The following CENPC variants were observed in gnomAD, a reference collection of about 807,000 sequenced individuals.
CENPC encodes CENP-C 1.
In CENPC, 63 loss-of-function variants were observed where a neutral mutation model predicts 112.1. The observed-to-expected ratio is 0.56, with a 90% CI of 0.46 to 0.69. The LOEUF (loss-of-function observed/expected upper bound fraction) is 0.69, where lower values mean the gene tolerates loss of function less well. Among genes scored for constraint, CENPC ranks in the 30% least tolerant of loss-of-function variants. The pLI, the probability that CENPC is intolerant of heterozygous loss-of-function variation, is 0.00. For missense variants in CENPC, 1,000 were observed against 1,103.8 expected, an observed-to-expected ratio of 0.91 and a Z score of 1.33; for synonymous variants, 333 against 367.6, an observed-to-expected ratio of 0.91 and a Z score of 1.08.
At position 67,517,987 on chromosome 4, in the gene CENPC, CACTG is replaced by C. The variant is rs1188610568; in HGVS notation, c.830+165_830+168del. Among the ~76,000 whole-genome samples, 3 of 152,114 alleles carry C rather than the reference CACTG, an allele frequency of 2.0e-5. No homozygotes were observed. In the East Asian group the frequency reaches 5.8e-4, roughly 29 times the overall value. ...TTAAAAAATGGCTTTGGGAGTGACT[CACTG>C]ACTGGTAAAAAACCATCTCTCCTTA... On this transcript the variant is annotated intron_variant, in intron 7 of 18. Coordinates refer to ENST00000273853, the MANE Select transcript of CENPC (RefSeq NM_001812.4).
Position 67,492,929 on chromosome 4 carries a change from T to A in CENPC, c.2359A>T (p.Ile787Phe). 6.4e-7 allele frequency: 1 copy of A among 1,563,602 alleles called. No individual in the cohort carries two copies. The highest frequency in any genetic ancestry group is 8.7e-7 in the Non-Finnish European group (1 of 1,151,876). Residue 787 changes from isoleucine (I) to phenylalanine (F), a missense_variant, in exon 15 of 19, where the codon ATT (isoleucine) becomes TTT (phenylalanine). Transcript: ENST00000273853. ...ISSKRKAKEN[I>F]GKVNKKSNKK... ...TTAGATTTTTTGTTGACTTTTCCAA[T>A]ATTTTCTTTTGCCTTCCTTTTAGAC...
At chr4:67,530,582 A>G (rs536812076) in intron 5 of CENPC, among the ~76,000 whole-genome samples, 1 of 152,332 alleles carries the variant, frequency 6.6e-6, no homozygotes. Context: ...AAGAAAGAAA[A>G]CTTTAAAAAG....
intron 5 of CENPC, among the ~76,000 whole-genome samples, chr4:67,523,269 C>CT (rs1560438715): frequency 6.6e-6 from 1 of 151,236 alleles, no homozygotes; most frequent in Admixed American, 6.6e-5. Flanking sequence ...GCCGAGATCA[C>CT]GCCACTGCAT....
intron 12 of CENPC, among the ~76,000 whole-genome samples, chr4:67,496,988 C>T (rs569737729): frequency 6.0e-5 from 9 of 149,900 alleles, no homozygotes; most frequent in South Asian, 2.1e-4. Flanking sequence ...CACTGGGCCT[C>T]GGAGGCAGTG....
intron 7 of CENPC, among the ~76,000 whole-genome samples, chr4:67,517,150 T>G (rs1270293128): frequency 6.6e-6 from 1 of 151,836 alleles, no homozygotes; most frequent in East Asian, 1.9e-4. Context: ...TCATTTAACA[T>G]GTTTTTATAA....
chr4:67,525,302 G>C (rs355496), intron 5 of CENPC, among the ~76,000 whole-genome samples: 95,817 of 151,990 alleles, frequency 0.63, 30,454 homozygotes, highest in East Asian at 0.81. Flanking sequence ...AAAAGCAATT[G>C]CAACAAAAGC....
intron 5 of CENPC, among the ~76,000 whole-genome samples, chr4:67,522,143 T>G (rs536894603): frequency 6.6e-6 from 1 of 152,328 alleles, no homozygotes; most frequent in Non-Finnish European, 1.5e-5. Flanking sequence ...GGAAGTGACG[T>G]GTGTATATAA....
chr4:67,532,791 A>G (rs1170001722), intron 4 of CENPC, among the ~76,000 whole-genome samples: 1 of 152,196 alleles, frequency 6.6e-6, no homozygotes, highest in Non-Finnish European at 1.5e-5. Flanking sequence ...AGATACACCT[A>G]ATGTAAATGA....
intron 17 of CENPC, among the ~76,000 whole-genome samples, chr4:67,475,980 T>C (rs1724794571): frequency 6.6e-6 from 1 of 152,214 alleles, no homozygotes; most frequent in African/African-American, 2.4e-5. Flanking sequence ...ATAGTGGTCC[T>C]ATAAGGTTAC....
chr4:67,519,560 C>A, intron 5 of CENPC, 58 bp from the exon 6 acceptor site: 1 of 1,173,566 alleles, frequency 8.5e-7, no homozygotes, highest in Non-Finnish European at 1.1e-6. Flanking sequence ...GAGAATCAAG[C>A]AGGCTTTTTA....
intron 17 of CENPC, among the ~76,000 whole-genome samples, chr4:67,475,416 C>T (rs1724776620): frequency 1.3e-5 from 2 of 152,228 alleles, no homozygotes; most frequent in Non-Finnish European, 2.9e-5. Context: ...CCACTTAAAA[C>T]TGAGTTCTGC....
At chr4:67,521,361 AG>A (rs1726224446) in intron 5 of CENPC, among the ~76,000 whole-genome samples, 1 of 152,132 alleles carries the variant, frequency 6.6e-6, no homozygotes, top group South Asian at 2.1e-4. Context: ...AAACTCTCAA[AG>A]TAGCATTTTT....
intron 12 of CENPC, among the ~76,000 whole-genome samples, chr4:67,496,254 C>T (rs1328363225): frequency 6.6e-6 from 1 of 152,150 alleles, no homozygotes; most frequent in Non-Finnish European, 1.5e-5. Context: ...AATGTCCAAC[C>T]CATTTGAACT....
At chr4:67,531,183 A>G (rs1439910030) in intron 4 of CENPC, among the ~76,000 whole-genome samples, 1 of 152,206 alleles carries the variant, frequency 6.6e-6, no homozygotes, top group Non-Finnish European at 1.5e-5. Context: ...AAGACTGAAT[A>G]AACTTATTAA....
At chr4:67,520,218 C>A (rs752134641) in intron 5 of CENPC, among the ~76,000 whole-genome samples, 1 of 152,158 alleles carries the variant, frequency 6.6e-6, no homozygotes, top group Non-Finnish European at 1.5e-5. Flanking sequence ...TCCTTACTAC[C>A]TGCATTGGCA....
chr4:67,500,619 C>T (rs115078519), intron 12 of CENPC, among the ~76,000 whole-genome samples: 3,712 of 152,118 alleles, frequency 0.024, 64 homozygotes, highest in Middle Eastern at 0.058. Context: ...GAAAGAAAAT[C>T]CAGTGACCAA....
In CENPC at chr4:67,540,990, A is replaced by G. The variant is rs1726870855; in HGVS notation, c.126T>C (p.Phe42=). ...QNVLEILQDC[F]EEKSLANDFS... is the part of the protein sequence containing the mutation. ...GAAATGAAGCCTTACTTTTTTCTTC[A>G]AAACAGTCTTGTAAGATTTCCAGAA... Residue 42 remains phenylalanine (F), a synonymous_variant, in exon 3 of 19, where the codon TTT becomes TTC. Coordinates refer to ENST00000273853, the MANE Select transcript of CENPC (RefSeq NM_001812.4). 1 of 1,606,794 alleles carries G rather than the reference A, an allele frequency of 6.2e-7. No homozygotes were observed. Among genetic ancestry groups the G allele is most frequent in the Non-Finnish European group, 8.5e-7 (1 of 1,176,222 alleles).
Position 67,512,548 on chromosome 4 carries a change from C to T in CENPC, c.1466G>A (p.Arg489Lys). Residue 489 changes from arginine to lysine, a missense_variant, in exon 9 of 19, where the codon AGA (arginine) becomes AAA (lysine). By Grantham distance (26) the Arg-to-Lys change is conservative (BLOSUM62 2). Transcript: ENST00000273853. ...CTTTTTAGATTCTTCCTTATCTTTT[C>T]TAGTGCTACTTTTCTTGCTTCCTAA... Reference protein sequence around the residue: ...PPVGSKKSSTRKDKEESKKKR... With the variant: ...PPVGSKKSSTKKDKEESKKKR... 1 of 1,536,216 alleles carries T rather than the reference C, an allele frequency of 6.5e-7. No individual in the cohort carries two copies. Among genetic ancestry groups the T allele is most frequent in the Middle Eastern group, 1.7e-4 (1 of 5,826 alleles).
intron 5 of CENPC, among the ~76,000 whole-genome samples, chr4:67,530,460 T>C (rs1279872298): frequency 6.6e-6 from 1 of 151,128 alleles, no homozygotes; most frequent in East Asian, 1.9e-4. Context: ...CCAATTAAGG[T>C]ACAGAACTAT....
Sources: allele counts gnomAD v4.1 joint callset (sites outside exome capture counted in the v4.1 genomes callset), GRCh38; gene constraint gnomAD v4.1.1; transcripts MANE v1.5; gene names NCBI Gene and HGNC (gene_info 2026-07-23, HGNC 2026-07-21).